The following PLCB4 variants were observed in gnomAD, a reference collection of about 807,000 sequenced individuals.
PLCB4 encodes the protein phospholipase C beta 4.
In PLCB4, 77 loss-of-function variants were observed where a neutral mutation model predicts 178.8. The observed-to-expected ratio is 0.43, with a 90% confidence interval of 0.36 to 0.52. PLCB4 has a LOEUF of 0.52. Among genes scored for constraint, PLCB4 ranks in the 20% least tolerant of loss-of-function variants. The pLI is 0.00. For synonymous variants in PLCB4, 496 were observed against 490.8 expected (o/e 1.01, Z -0.14); for missense variants, 1,024 against 1,453.4 (o/e 0.70, Z 4.80).
chr20:9,158,300 C>CT (rs2092823981), intron 2 of PLCB4, among the ~76,000 whole-genome samples: 1 of 151,506 alleles, frequency 6.6e-6, no homozygotes, highest in African/African-American at 2.4e-5. Flanking sequence ...GAGTCTTGCT[C>CT]TGTTGCCCAA....
chr20:9,163,647 C>T (rs2092924490), intron 2 of PLCB4, among the ~76,000 whole-genome samples: 1 of 150,874 alleles, frequency 6.6e-6, no homozygotes, highest in Admixed American at 6.6e-5. Context: ...TAGATTTATT[C>T]ACTTTAGACA....
intron 28 of PLCB4, 52 bp downstream of exon 28, chr20:9,424,004 T>C (rs1451663820): frequency 1.7e-6 from 2 of 1,148,262 alleles, no homozygotes; most frequent in African/African-American, 3.0e-5. Context: ...TCCTAGATTA[T>C]AAGATTATAA....
At chr20:9,466,462 A>T (rs1203687140) in intron 35 of PLCB4, among the ~76,000 whole-genome samples, 1 of 152,238 alleles carries the variant, frequency 6.6e-6, no homozygotes, top group Non-Finnish European at 1.5e-5. Context: ...GAGCTTCTGC[A>T]TGGCAAAAGA....
At chr20:9,248,041 C>T (rs2094143123) in intron 3 of PLCB4, among the ~76,000 whole-genome samples, 1 of 152,106 alleles carries the variant, frequency 6.6e-6, no homozygotes, top group Non-Finnish European at 1.5e-5. Context: ...TGTCCTGTCA[C>T]ACTGAGAACT....
At chr20:9,333,452 C>G (rs1253868362) in intron 4 of PLCB4, among the ~76,000 whole-genome samples, 1 of 152,056 alleles carries the variant, frequency 6.6e-6, no homozygotes, top group East Asian at 1.9e-4. Context: ...CTAGAGAGAG[C>G]TTGAGGGGTT....
Position 9,393,486 on chromosome 20 carries a change from TG to T in PLCB4, c.1324-99del, listed in dbSNP as rs1040586493. 3 of 714,302 alleles carry T rather than the reference TG, an allele frequency of 4.2e-6. No homozygotes were observed. In the African/African-American group the frequency reaches 5.3e-5, roughly 13 times the overall value. The allele number at this position is 714,302 out of a possible 1,614,324, so 44.2% of individuals were successfully genotyped here. On this transcript the variant is annotated intron_variant, in intron 17 of 39. Coordinates refer to ENST00000378473, the MANE Select transcript of PLCB4 (RefSeq NM_001377142.1). ...GTGCCGCCTGCCATCTAGTGGGTGTTGGGTTGCATCACTCCCAGGCCTCCCA... is the reference window on the plus strand; with the variant it reads ...GTGCCGCCTGCCATCTAGTGGGTGTTGGTTGCATCACTCCCAGGCCTCCCA...
intron 2 of PLCB4, among the ~76,000 whole-genome samples, chr20:9,135,475 T>C (rs1012357706): frequency 1.3e-5 from 2 of 152,212 alleles, no homozygotes; most frequent in African/African-American, 2.4e-5. Flanking sequence ...TGGAGACATA[T>C]GAAGTTACAG....
intron 3 of PLCB4, among the ~76,000 whole-genome samples, chr20:9,246,260 T>A (rs1227788382): frequency 6.6e-6 from 1 of 152,132 alleles, no homozygotes; most frequent in East Asian, 1.9e-4. Flanking sequence ...AAAAACATAA[T>A]CTCTATGCTC....
At chr20:9,398,643 C>CT (rs2038790510) in intron 19 of PLCB4, among the ~76,000 whole-genome samples, 1 of 152,016 alleles carries the variant, frequency 6.6e-6, no homozygotes, top group Admixed American at 6.6e-5. Context: ...GACCAGGCAG[C>CT]TTACATTATG....
rs182344919 is a variant in PLCB4 at position 9,422,009 on chromosome 20, C to T, written c.2319+548C>T. Among the ~76,000 whole-genome samples, 347 of 152,330 alleles carry T rather than the reference C, an allele frequency of 2.3e-3. 2 individuals carry two copies. Among genetic ancestry groups the T allele is most frequent in the South Asian group, 4.8e-3 (23 of 4,820 alleles). On this transcript the variant is annotated intron_variant, in intron 27 of 39. Transcript: ENST00000378473. ...TCCTAAAAACAATCACAGCCATTCT[C>T]TCTAACGTTCGGTTGTTAATCTCTT... is the stretch of plus-strand genomic sequence containing the variant.
intron 2 of PLCB4, among the ~76,000 whole-genome samples, chr20:9,134,085 G>A (rs2092333678): frequency 6.6e-6 from 1 of 152,170 alleles, no homozygotes; most frequent in African/African-American, 2.4e-5. Context: ...ATATAGACCA[G>A]TTATTCTCAA....
chr20:9,153,735 G>T (rs200152529), intron 2 of PLCB4, among the ~76,000 whole-genome samples: 1 of 152,168 alleles, frequency 6.6e-6, no homozygotes, highest in East Asian at 1.9e-4. Context: ...TGAGTGATAC[G>T]ATAAGGGGAG....
intron 2 of PLCB4, among the ~76,000 whole-genome samples, chr20:9,180,660 C>T (rs1174911836): frequency 1.3e-5 from 2 of 152,158 alleles, no homozygotes; most frequent in African/African-American, 4.8e-5. Flanking sequence ...AACCTTGCCA[C>T]AAAGACTATG....
At chr20:9,118,009 TAAAGTCCTC>T (rs2091837253) in intron 2 of PLCB4, among the ~76,000 whole-genome samples, 1 of 151,664 alleles carries the variant, frequency 6.6e-6, no homozygotes, top group African/African-American at 2.4e-5. Context: ...AAGTAGAATA[TAAAGTCCTC>T]AAAAAAAAAA....
intron 2 of PLCB4, among the ~76,000 whole-genome samples, chr20:9,119,817 T>C (rs2091899667): frequency 6.6e-6 from 1 of 152,216 alleles, no homozygotes; most frequent in African/African-American, 2.4e-5. Flanking sequence ...AAGGAGATTC[T>C]TTGCCACCTT....
chr20:9,257,924 G>C (rs1379668414), intron 3 of PLCB4, among the ~76,000 whole-genome samples: 1 of 152,126 alleles, frequency 6.6e-6, no homozygotes, highest in East Asian at 1.9e-4. Flanking sequence ...AGGGATTCTT[G>C]GAAATTAAGT....
chr20:9,092,462 T>C (rs1412565348), intron 1 of PLCB4, among the ~76,000 whole-genome samples: 1 of 152,142 alleles, frequency 6.6e-6, no homozygotes, highest in Non-Finnish European at 1.5e-5. Flanking sequence ...AGGTTTCCAC[T>C]GCAATGGTGA....
At chr20:9,247,997 A>AT (rs1463348919) in intron 3 of PLCB4, among the ~76,000 whole-genome samples, 1 of 152,164 alleles carries the variant, frequency 6.6e-6, no homozygotes, top group African/African-American at 2.4e-5. Flanking sequence ...GCAGCATAAT[A>AT]TTTATTAATA....
intron 3 of PLCB4, among the ~76,000 whole-genome samples, chr20:9,306,356 T>TC (rs1270862417): frequency 6.7e-6 from 1 of 150,264 alleles, no homozygotes; most frequent in African/African-American, 2.4e-5. Flanking sequence ...ATCCACCCCC[T>TC]CCCCCCACCC....
Sources: allele counts gnomAD v4.1 joint callset (sites outside exome capture counted in the v4.1 genomes callset), GRCh38; gene constraint gnomAD v4.1.1; transcripts MANE v1.5; gene names NCBI Gene and HGNC (gene_info 2026-07-23, HGNC 2026-07-21).